The following MFSD11 variants were observed in gnomAD, a reference collection of about 807,000 sequenced individuals.
MFSD11 encodes major facilitator superfamily domain containing 11.
In MFSD11, 36 loss-of-function variants were observed where a neutral mutation model predicts 53.5. That is an observed-to-expected ratio of 0.67 (90% CI 0.52 to 0.89). MFSD11 has a LOEUF of 0.89. Among genes scored for constraint, MFSD11 ranks in the 40% least tolerant of loss-of-function variants. The pLI, the probability that MFSD11 is intolerant of heterozygous loss-of-function variation, is 0.00. For missense variants in MFSD11, 530 were observed against 543.9 expected, an observed-to-expected ratio of 0.97 and a Z score of 0.25; for synonymous variants, 186 against 184.9, an observed-to-expected ratio of 1.01 and a Z score of -0.05.
intron 9 of MFSD11, among the ~76,000 whole-genome samples, chr17:76,767,805 T>C (rs1247862930): frequency 6.6e-6 from 1 of 152,156 alleles, no homozygotes; most frequent in African/African-American, 2.4e-5. Context: ...TTCTTAAAGC[T>C]CAGGCTTCAG....
At position 76,776,581 on chromosome 17, in the gene MFSD11, C is replaced by T. The variant is rs1598788964; in HGVS notation, c.1185+40C>T. 6.3e-7 allele frequency: 1 copy of T among 1,587,574 alleles called. No individual in the cohort carries two copies. The highest frequency in any genetic ancestry group is 1.4e-5 in the African/African-American group (1 of 73,656). On this transcript the variant is annotated intron_variant, in intron 12 of 12. Coordinates refer to ENST00000685175, the MANE Select transcript of MFSD11 (RefSeq NM_001242532.5). The surrounding 1 kb of genome is among the most constrained non-coding windows in gnomAD (Gnocchi z 4.2). The stretch of plus-strand genomic sequence containing the variant: ...TTGTGATTGTGTTTGACATAGGGCT[C>T]TTCCCTTTGTGTATTGCCTTGTTTT...
intron 1 of MFSD11, among the ~76,000 whole-genome samples, chr17:76,738,694 C>G (rs1418560418): frequency 4.6e-5 from 7 of 152,130 alleles, no homozygotes; most frequent in Non-Finnish European, 8.8e-5. Flanking sequence ...TATTTTGTTT[C>G]TCGTCTGTAT....
chr17:76,756,201 C>T (rs1262019211), intron 8 of MFSD11, among the ~76,000 whole-genome samples: 1 of 150,416 alleles, frequency 6.6e-6, no homozygotes, highest in African/African-American at 2.5e-5. Context: ...TGGCTCACTG[C>T]AACCTCTGCC....
upstream of MFSD11, chr17:76,736,924 C>T (rs1453859851): frequency 1.9e-6 from 3 of 1,612,916 alleles, no homozygotes; most frequent in Non-Finnish European, 2.5e-6. Context: ...GGCCGTCCAG[C>T]ACGGCCCCGT....
At chr17:76,790,805 T>C in the MFSD11 span, among the ~76,000 whole-genome samples, 3 of 135,060 alleles carry the variant, frequency 2.2e-5, 1 homozygote, top group African/African-American at 7.2e-5. Context: ...CCGGGCGTGG[T>C]GGCACACACC....
chr17:76,739,006 A>C lies in MFSD11; in HGVS notation c.152+13A>C, dbSNP rs76066099. 1 of 1,608,192 alleles carries C rather than the reference A, an allele frequency of 6.2e-7. No individual in the cohort carries two copies. On this transcript the variant is annotated intron_variant, in intron 2 of 12. Transcript: ENST00000685175. ...GTGGATATACCAGGTATTGTACCGT[A>C]TGATTGATTTTGCTTTATATTTGAC... is the stretch of plus-strand genomic sequence containing the variant.
intron 8 of MFSD11, among the ~76,000 whole-genome samples, chr17:76,755,919 G>A (rs995779532): frequency 7.0e-6 from 1 of 142,976 alleles, no homozygotes; most frequent in Non-Finnish European, 1.5e-5. Flanking sequence ...CACCTCCTGG[G>A]TTCAAGCGAT....
the MFSD11 span, among the ~76,000 whole-genome samples, chr17:76,787,281 G>T: frequency 1.8e-4 from 24 of 132,714 alleles, 1 homozygote; most frequent in African/African-American, 6.2e-4. Context: ...GATTACAGGC[G>T]CCCGCCACCA....
intron 8 of MFSD11, among the ~76,000 whole-genome samples, chr17:76,759,626 T>G (rs1029367334): frequency 3.9e-5 from 6 of 151,966 alleles, no homozygotes; most frequent in Non-Finnish European, 5.9e-5. Flanking sequence ...GGCTAATGTT[T>G]TTTTGTATTT....
chr17:76,736,768 C>T (rs1373055300), upstream of MFSD11: 1 of 1,407,018 alleles, frequency 7.1e-7, no homozygotes, highest in Non-Finnish European at 9.2e-7. Context: ...CGCCCCGCCC[C>T]GCCTCCCGCG....
chr17:76,738,552 T>G (rs2077727350), intron 1 of MFSD11, 104 bp downstream of exon 1: 1 of 802,262 alleles, frequency 1.2e-6, no homozygotes, highest in Non-Finnish European at 2.0e-6. Flanking sequence ...TAATTGCATC[T>G]TTCATTTTTC....
chr17:76,775,316 G>T (rs1243514104), intron 11 of MFSD11, 145 bp downstream of exon 11: 2 of 631,004 alleles, frequency 3.2e-6, no homozygotes, highest in Non-Finnish European at 5.1e-6. Context: ...GAGTCAGACT[G>T]AGTTTAAATA....
upstream of MFSD11, chr17:76,736,780 T>C (rs754741757): frequency 4.9e-6 from 7 of 1,418,042 alleles, no homozygotes; most frequent in Non-Finnish European, 6.4e-6. Flanking sequence ...CCTCCCGCGG[T>C]CCCCTCAGCC....
chr17:76,742,147 C>T lies in MFSD11; in HGVS notation c.341-30C>T, dbSNP rs184298189. The T allele has an allele frequency of 2.8e-4, 456 of 1,613,680 alleles. 6 individuals carry two copies. In the African/African-American group the frequency reaches 5.4e-3, roughly 19 times the overall value. On this transcript the variant is annotated intron_variant, in intron 4 of 12. Coordinates refer to ENST00000685175, the MANE Select transcript of MFSD11 (RefSeq NM_001242532.5). ...TATGTGACTCTAAGTGAATTTCTTT[C>T]CCTTGATAAACTTTTGGGTTGAATT...
At chr17:76,777,287 A>G (rs2081933963) in intron 12 of MFSD11, among the ~76,000 whole-genome samples, 1 of 151,396 alleles carries the variant, frequency 6.6e-6, no homozygotes, top group African/African-American at 2.4e-5. Context: ...AAAAAAAAAA[A>G]GACAGTCTCA....
intron 7 of MFSD11, chr17:76,745,335 G>A (rs1003984393): frequency 6.6e-6 from 1 of 152,184 alleles, no homozygotes; most frequent in Non-Finnish European, 1.5e-5. Context: ...GCAAGGCAGC[G>A]CTTTGGTCTG....
chr17:76,783,692 G>A (rs1014887569), downstream of MFSD11, among the ~76,000 whole-genome samples: 1 of 152,118 alleles, frequency 6.6e-6, no homozygotes, highest in African/African-American at 2.4e-5. Context: ...CCGAGTAGCT[G>A]GGATTACAGA....
the MFSD11 span, among the ~76,000 whole-genome samples, chr17:76,789,531 A>G: frequency 6.7e-6 from 1 of 150,132 alleles, no homozygotes; most frequent in African/African-American, 2.4e-5. Flanking sequence ...AGATCTTATC[A>G]GGAAGCTGCT....
the MFSD11 span, among the ~76,000 whole-genome samples, chr17:76,789,237 G>A: frequency 6.7e-6 from 1 of 150,230 alleles, no homozygotes; most frequent in South Asian, 2.2e-4. Flanking sequence ...AGATCCAAGT[G>A]CCCTGTTCAG....
Sources: gnomAD v4.1 joint callset for allele counts (sites outside exome capture counted in the v4.1 genomes callset) on GRCh38, gnomAD v4.1.1 for gene constraint, Gnocchi (gnomAD v3.1) non-coding constraint, MANE v1.5 for transcripts, NCBI Gene and HGNC (gene_info 2026-07-23, HGNC 2026-07-21) for gene names.